COG5: variants seen among roughly 807,000 people sequenced by gnomAD.
The protein encoded by COG5 is conserved oligomeric Golgi complex subunit 5.
A neutral mutation model predicts 110.4 loss-of-function variants in COG5; 86 were observed. The ratio of observed to expected loss-of-function variants is 0.78; its 90% confidence interval spans 0.65 to 0.93. The LOEUF is 0.93. Ranked by LOEUF, COG5 falls within the 40% of genes least tolerant of loss-of-function variation. The pLI, the probability that COG5 is intolerant of heterozygous loss-of-function variation, is 0.00. For synonymous variants in COG5, 360 were observed against 334.6 expected, an observed-to-expected ratio of 1.08 and a Z score of -0.83; for missense variants, 1,077 against 987.0, an observed-to-expected ratio of 1.09 and a Z score of -1.22.
intron 18 of COG5, among the ~76,000 whole-genome samples, chr7:107,233,850 AAC>A (rs1381168003): frequency 6.6e-6 from 1 of 152,206 alleles, no homozygotes; most frequent in African/African-American, 2.4e-5. Flanking sequence ...ACCCTCGAAA[AAC>A]ACTTTCAACC....
At chr7:107,548,356 G>A in intron 3 of COG5, 24 bp from the exon 4 acceptor site, 1 of 1,610,514 alleles carries the variant, frequency 6.2e-7, no homozygotes, top group Non-Finnish European at 8.5e-7. Flanking sequence ...AGTTTACATT[G>A]GCTTTACAAA....
chr7:107,475,064 C>G, intron 6 of COG5: 2 of 1,612,984 alleles, frequency 1.2e-6, no homozygotes, highest in South Asian at 2.2e-5. Context: ...TTAAATACCA[C>G]CATTTTATGT....
intron 2 of COG5, among the ~76,000 whole-genome samples, chr7:107,555,581 A>T (rs1218836201): frequency 6.6e-6 from 1 of 152,238 alleles, no homozygotes; most frequent in African/African-American, 2.4e-5. Flanking sequence ...TCTTAACAAG[A>T]CTAACTTTTT....
intron 10 of COG5, among the ~76,000 whole-genome samples, chr7:107,356,970 T>C (rs1377681649): frequency 6.6e-6 from 1 of 152,082 alleles, no homozygotes; most frequent in Non-Finnish European, 1.5e-5. Flanking sequence ...GAAAAAGAGA[T>C]TTTGGTGCAT....
intron 12 of COG5, among the ~76,000 whole-genome samples, chr7:107,296,608 G>C (rs1020831098): frequency 6.1e-5 from 8 of 131,542 alleles, no homozygotes; most frequent in African/African-American, 2.3e-4. Context: ...TTTTTAAAGA[G>C]AGACAGGGTC....
intron 14 of COG5, among the ~76,000 whole-genome samples, chr7:107,265,924 T>C (rs1803761618): frequency 6.6e-6 from 1 of 152,026 alleles, no homozygotes; most frequent in Non-Finnish European, 1.5e-5. Context: ...GCATAGTGGT[T>C]CTTGCCTATG....
intron 10 of COG5, among the ~76,000 whole-genome samples, chr7:107,360,946 T>C (rs1813059726): frequency 6.6e-6 from 1 of 152,230 alleles, no homozygotes; most frequent in African/African-American, 2.4e-5. Context: ...CAGGAGTTTC[T>C]GGCTGGCGAA....
intron 6 of COG5, among the ~76,000 whole-genome samples, chr7:107,416,232 G>A (rs1470007727): frequency 6.6e-6 from 1 of 151,514 alleles, no homozygotes; most frequent in Non-Finnish European, 1.5e-5. Flanking sequence ...AAACAAAGCT[G>A]AAAATACAAA....
chr7:107,268,125 C>T (rs1283989745), intron 14 of COG5, among the ~76,000 whole-genome samples: 3 of 152,204 alleles, frequency 2.0e-5, no homozygotes, highest in East Asian at 3.9e-4. Flanking sequence ...TGCACCACCA[C>T]GCCTGGCTAA....
intron 6 of COG5, among the ~76,000 whole-genome samples, chr7:107,503,351 G>A (rs996437606): frequency 1.8e-4 from 28 of 151,994 alleles, no homozygotes; most frequent in South Asian, 1.0e-3. Flanking sequence ...GTTTCATTGG[G>A]TCTATGTGCC....
At chr7:107,441,232 G>A (rs1794685547) in intron 6 of COG5, among the ~76,000 whole-genome samples, 1 of 142,534 alleles carries the variant, frequency 7.0e-6, no homozygotes, top group Non-Finnish European at 1.5e-5. Context: ...CTCCAACCTG[G>A]GCAACAGAGT....
chr7:107,494,838 A>G (rs1798171928), intron 6 of COG5, among the ~76,000 whole-genome samples: 1 of 152,152 alleles, frequency 6.6e-6, no homozygotes, highest in Non-Finnish European at 1.5e-5. Flanking sequence ...TCCAAGTCCC[A>G]TAGATACAGA....
chr7:107,436,921 G>A (rs1407700526), intron 6 of COG5, among the ~76,000 whole-genome samples: 3 of 152,066 alleles, frequency 2.0e-5, no homozygotes, highest in African/African-American at 4.8e-5. Context: ...ACCCTGATTC[G>A]TCTTTTCAAA....
rs972558203 is a variant in COG5 at position 107,202,980 on chromosome 7, T to G, written c.*536A>C. ...TGGAATCATTTTGGGGATTTTTTTT[T>G]TTTTTAATAGTGGTGTCTGTCAGGC... On this transcript the variant is annotated 3_prime_UTR_variant, in exon 22 of 22. Transcript: ENST00000297135. 2 of 153,174 alleles carry G rather than the reference T, an allele frequency of 1.3e-5. No individual in the cohort carries two copies. Among genetic ancestry groups the G allele is most frequent in the African/African-American group, 4.8e-5 (2 of 41,414 alleles). The allele number at this position is 153,174 out of a possible 1,614,324, so 9.5% of individuals were successfully genotyped here.
intron 6 of COG5, among the ~76,000 whole-genome samples, chr7:107,440,789 T>C (rs908933309): frequency 9.2e-5 from 14 of 152,040 alleles, no homozygotes; most frequent in African/African-American, 3.4e-4. Flanking sequence ...TGCTGAGAGG[T>C]CAACCCATGG....
intron 1 of COG5, among the ~76,000 whole-genome samples, chr7:107,559,171 T>C (rs2129180445): frequency 6.6e-6 from 1 of 152,132 alleles, no homozygotes; most frequent in East Asian, 1.9e-4. Flanking sequence ...GTGAAATATG[T>C]TAATGGAAAG....
intron 8 of COG5, among the ~76,000 whole-genome samples, chr7:107,367,546 A>T (rs1409459306): frequency 6.6e-6 from 1 of 151,096 alleles, no homozygotes; most frequent in Non-Finnish European, 1.5e-5. Context: ...ATGAGTGGGT[A>T]AAGAAACTGT....
intron 6 of COG5, among the ~76,000 whole-genome samples, chr7:107,458,752 A>C (rs530798090): frequency 5.9e-5 from 9 of 152,206 alleles, no homozygotes; most frequent in Admixed American, 6.5e-5. Context: ...TCAGCTACTC[A>C]GGAGGCTGAG....
intron 6 of COG5, among the ~76,000 whole-genome samples, chr7:107,427,879 G>C (rs916285426): frequency 6.6e-6 from 1 of 152,078 alleles, no homozygotes; most frequent in Non-Finnish European, 1.5e-5. Context: ...TAAGCAACAG[G>C]ACAGCTCTCA....
Sources: gnomAD v4.1 joint callset for allele counts (sites outside exome capture counted in the v4.1 genomes callset) on GRCh38, gnomAD v4.1.1 for gene constraint, MANE v1.5 for transcripts, NCBI Gene and HGNC (gene_info 2026-07-23, HGNC 2026-07-21) for gene names.